Variants in ENOX1 observed in about 807,000 individuals in gnomAD.
The protein encoded by ENOX1 is ecto-NOX disulfide-thiol exchanger 1, also known as candidate growth-related and time keeping constitutive hydroquinone (NADH) oxidase.
In ENOX1, 42 loss-of-function variants were observed where a neutral mutation model predicts 82.5. The observed-to-expected ratio is 0.51, with a 90% CI of 0.40 to 0.66. The LOEUF (loss-of-function observed/expected upper bound fraction) is 0.66. ENOX1 is among the 30% of genes least tolerant of loss of function. ENOX1 has a pLI of 0.00. For synonymous variants in ENOX1, 271 were observed against 282.2 expected (o/e 0.96, Z 0.40); for missense variants, 608 against 811.6 (o/e 0.75, Z 3.05).
At chr13:43,501,465 C>T (rs1339712560) in intron 2 of ENOX1, among the ~76,000 whole-genome samples, 2 of 151,694 alleles carry the variant, frequency 1.3e-5, no homozygotes, top group African/African-American at 4.8e-5. Context: ...AAACATTGTT[C>T]TCAAGTGCAT....
Position 43,398,457 on chromosome 13 carries a change from A to G in ENOX1, c.208+13459T>C, listed in dbSNP as rs557344424. 3.3e-5 allele frequency among the ~76,000 whole-genome samples: 5 copies of G among 152,300 alleles called. No individual in the cohort carries two copies. The East Asian group carries it at 9.7e-4, about 29-fold the overall frequency. On this transcript the variant is annotated intron_variant, in intron 5 of 16. Coordinates refer to ENST00000690772, the MANE Select transcript of ENOX1 (RefSeq NM_001347969.2). ...CCAGGCCTCATGGTTTAGAAGGTCT[A>G]AAATAGGCCCAGAAATCTACTTTCC...
rs527825976 is a variant in ENOX1 at position 43,349,549 on chromosome 13, A to G, written c.824-4799T>C. 4.5e-4 allele frequency among the ~76,000 whole-genome samples: 69 copies of G among 152,298 alleles called. 1 individual carries two copies. Among genetic ancestry groups the G allele is most frequent in the African/African-American group, 1.6e-3 (68 of 41,566 alleles). On this transcript the variant is annotated intron_variant, in intron 8 of 16. Transcript: ENST00000690772. ...ATTGAGTACTTGGCACATAGTAGGC[A>G]TTACAAAACTGCATATGGGAGAACT...
chr13:43,732,231 G>T (rs1196480705), intron 1 of ENOX1, among the ~76,000 whole-genome samples: 1 of 152,136 alleles, frequency 6.6e-6, no homozygotes, highest in Non-Finnish European at 1.5e-5. Flanking sequence ...ATACAGGATG[G>T]ATAAGACGAA....
chr13:43,707,426 C>A (rs1177562085), intron 1 of ENOX1, among the ~76,000 whole-genome samples: 1 of 152,012 alleles, frequency 6.6e-6, no homozygotes, highest in Non-Finnish European at 1.5e-5. Flanking sequence ...ATGTAAAGAA[C>A]CTATAGTTAT....
Position 43,667,460 on chromosome 13 carries a change from G to A in ENOX1, c.-219+19C>T. On this transcript the variant is annotated intron_variant, in intron 2 of 16. Transcript: ENST00000690772. ...AACCAACCTGCTTGTTATTTGTGGT[G>A]CACATACCATCCCTTTACCTGAGCA... 3.0e-6 allele frequency: 3 copies of A among 985,428 alleles called. No homozygotes were observed. The highest frequency in any genetic ancestry group is 4.7e-5 in the South Asian group (1 of 21,272). The allele number at this position is 985,428 out of a possible 1,614,324, so 61.0% of individuals were successfully genotyped here.
chr13:43,623,666 G>A (rs1290593230), intron 2 of ENOX1, among the ~76,000 whole-genome samples: 2 of 152,024 alleles, frequency 1.3e-5, no homozygotes, highest in South Asian at 4.1e-4. Flanking sequence ...TCTTGCGGTC[G>A]ATCTGGAGCT....
chr13:43,721,442 G>A (rs1360063553), intron 1 of ENOX1, among the ~76,000 whole-genome samples: 3 of 144,244 alleles, frequency 2.1e-5, no homozygotes, highest in Non-Finnish European at 3.0e-5. Flanking sequence ...GCAGTGGCGG[G>A]ATCTCGGCTC....
intron 3 of ENOX1, among the ~76,000 whole-genome samples, chr13:43,473,222 CT>C (rs1226150747): frequency 8.5e-5 from 13 of 152,238 alleles, no homozygotes; most frequent in African/African-American, 3.1e-4. Flanking sequence ...CATCCTTTGG[CT>C]TGTTGAATAT....
chr13:43,600,086 A>C (rs1013814335), intron 2 of ENOX1, among the ~76,000 whole-genome samples: 18 of 152,104 alleles, frequency 1.2e-4, no homozygotes, highest in African/African-American at 3.9e-4. Flanking sequence ...GGTGTGACCC[A>C]GCATATTGCC....
chr13:43,420,538 T>C (rs2054912880), intron 3 of ENOX1, among the ~76,000 whole-genome samples: 1 of 152,160 alleles, frequency 6.6e-6, no homozygotes. Flanking sequence ...TCTGCAAGTT[T>C]AGGGGCAGAG....
At chr13:43,737,708 C>T (rs1039857606) in intron 1 of ENOX1, among the ~76,000 whole-genome samples, 2 of 152,170 alleles carry the variant, frequency 1.3e-5, no homozygotes, top group Admixed American at 1.3e-4. Context: ...AAAGGGACCA[C>T]GTGGTTAAAG....
chr13:43,535,857 G>A (rs2078437564), intron 2 of ENOX1, among the ~76,000 whole-genome samples: 1 of 151,986 alleles, frequency 6.6e-6, no homozygotes, highest in African/African-American at 2.4e-5. Flanking sequence ...TCCTTGTTCT[G>A]TGCAGGAAAG....
At chr13:43,577,332 A>C (rs2080482393) in intron 2 of ENOX1, among the ~76,000 whole-genome samples, 1 of 152,120 alleles carries the variant, frequency 6.6e-6, no homozygotes, top group African/African-American at 2.4e-5. Context: ...GAGTTTCGCC[A>C]TGTTGGCCAG....
At chr13:43,590,295 A>T (rs1341127686) in intron 2 of ENOX1, among the ~76,000 whole-genome samples, 1 of 149,204 alleles carries the variant, frequency 6.7e-6, no homozygotes, top group Non-Finnish European at 1.5e-5. Context: ...GCAACCCCAG[A>T]TTGCAGCATA....
intron 2 of ENOX1, 65 bp downstream of exon 2, chr13:43,667,414 C>T (rs1344413497): frequency 2.1e-6 from 2 of 966,838 alleles, no homozygotes; most frequent in Non-Finnish European, 2.5e-6. Flanking sequence ...AATTAAACTA[C>T]ATCCCTTCCC....
intron 1 of ENOX1, among the ~76,000 whole-genome samples, chr13:43,673,175 G>GTATA (rs58874702): frequency 0.01 from 1,553 of 148,872 alleles, 15 homozygotes; most frequent in East Asian, 0.03. Context: ...TTGCATGTGT[G>GTATA]TATATATATA....
intron 1 of ENOX1, among the ~76,000 whole-genome samples, chr13:43,705,696 A>T (rs544525876): frequency 7.2e-5 from 11 of 152,202 alleles, no homozygotes; most frequent in Non-Finnish European, 1.2e-4. Flanking sequence ...AAGGGGAAAA[A>T]ATAGAAACCA....
intron 15 of ENOX1, among the ~76,000 whole-genome samples, chr13:43,232,413 G>C (rs2153456827): frequency 6.6e-6 from 1 of 152,322 alleles, no homozygotes; most frequent in African/African-American, 2.4e-5. Flanking sequence ...GTAGTTTTCA[G>C]AGAGGAACAT....
intron 14 of ENOX1, among the ~76,000 whole-genome samples, chr13:43,258,101 C>A (rs2043852127): frequency 6.6e-6 from 1 of 152,226 alleles, no homozygotes; most frequent in Non-Finnish European, 1.5e-5. Context: ...GCAGTGGAAA[C>A]ATAGTCAGCT....
Sources: gnomAD v4.1 joint callset for allele counts (sites outside exome capture counted in the v4.1 genomes callset) on GRCh38, gnomAD v4.1.1 for gene constraint, MANE v1.5 for transcripts, NCBI Gene and HGNC (gene_info 2026-07-23, HGNC 2026-07-21) for gene names.